Variants in FAM135B observed in about 807,000 individuals in gnomAD.
The protein encoded by FAM135B is family with sequence similarity 135 member B, also known as protein FAM135B.
Under a neutral mutation model 127.7 loss-of-function variants are expected in FAM135B, and 43 were observed. The observed-to-expected ratio is 0.34, with a 90% confidence interval of 0.26 to 0.43. FAM135B has a LOEUF of 0.43. Ranked by LOEUF, FAM135B falls within the 20% of genes least tolerant of loss-of-function variation. The pLI, the probability that FAM135B is intolerant of heterozygous loss-of-function variation, is 1.00. For missense variants in FAM135B, 1,558 were observed against 1,725.6 expected (o/e 0.90, Z 1.72); for synonymous variants, 670 against 665.1 (o/e 1.01, Z -0.11).
intron 1 of FAM135B, among the ~76,000 whole-genome samples, chr8:138,416,992 G>A (rs752400174): frequency 1.6e-4 from 25 of 152,132 alleles, no homozygotes; most frequent in Non-Finnish European, 2.6e-4. Flanking sequence ...CCACAACCCC[G>A]ATGGACATTT....
intron 1 of FAM135B, among the ~76,000 whole-genome samples, chr8:138,395,127 A>T (rs1832781781): frequency 6.6e-6 from 1 of 152,220 alleles, no homozygotes; most frequent in Non-Finnish European, 1.5e-5. Flanking sequence ...CCTGTGAGAG[A>T]AACAAGCTCT....
chr8:138,167,333 T>C (rs1285117646), intron 12 of FAM135B, among the ~76,000 whole-genome samples: 1 of 152,116 alleles, frequency 6.6e-6, no homozygotes, highest in Admixed American at 6.5e-5. Flanking sequence ...GTAGCTGGGA[T>C]TACAGGTGTC....
At chr8:138,174,999 A>T (rs1814307657) in intron 11 of FAM135B, among the ~76,000 whole-genome samples, 1 of 152,230 alleles carries the variant, frequency 6.6e-6, no homozygotes, top group African/African-American at 2.4e-5. Context: ...CACTAAATAC[A>T]TTAGTTATTG....
At chr8:138,161,324 A>C (rs1186733216) in intron 12 of FAM135B, among the ~76,000 whole-genome samples, 4 of 151,832 alleles carry the variant, frequency 2.6e-5, no homozygotes, top group Admixed American at 2.0e-4. Context: ...ATCTCTTCTC[A>C]ATCTCTTATC....
At chr8:138,142,831 G>T (rs1157212895) in intron 16 of FAM135B, 181 bp downstream of exon 16, 3 of 518,158 alleles carry the variant, frequency 5.8e-6, no homozygotes, top group Non-Finnish European at 6.9e-6. Flanking sequence ...AACTATGGCA[G>T]AGATGAATGT....
chr8:138,478,469 T>C (rs1814622278), intron 1 of FAM135B, among the ~76,000 whole-genome samples: 1 of 152,184 alleles, frequency 6.6e-6, no homozygotes, highest in Non-Finnish European at 1.5e-5. Context: ...CACCCTATGG[T>C]TGCTTTTGTC....
At chr8:138,356,007 C>T (rs1830069169) in intron 2 of FAM135B, among the ~76,000 whole-genome samples, 3 of 152,118 alleles carry the variant, frequency 2.0e-5, no homozygotes, top group South Asian at 2.1e-4. Flanking sequence ...AGGGAACTAG[C>T]TTAAGCTTTT....
At chr8:138,296,982 G>T (rs542060263) in intron 3 of FAM135B, among the ~76,000 whole-genome samples, 49 of 152,266 alleles carry the variant, frequency 3.2e-4, no homozygotes, top group African/African-American at 1.2e-3. Context: ...AGCCCAATTT[G>T]TCATGACCTG....
chr8:138,284,403 A>T (rs552154161), intron 3 of FAM135B, among the ~76,000 whole-genome samples: 17 of 152,076 alleles, frequency 1.1e-4, no homozygotes, highest in Non-Finnish European at 2.1e-4. Context: ...AATCTTTTCA[A>T]TATGCAAAAT....
chr8:138,277,189 C>G (rs1187118929), intron 3 of FAM135B, among the ~76,000 whole-genome samples: 1 of 152,170 alleles, frequency 6.6e-6, no homozygotes, highest in Non-Finnish European at 1.5e-5. Context: ...CTCCTGTCCT[C>G]CAGGACAGCA....
intron 1 of FAM135B, among the ~76,000 whole-genome samples, chr8:138,414,655 A>T (rs1041183886): frequency 1.3e-5 from 2 of 151,950 alleles, no homozygotes; most frequent in East Asian, 1.9e-4. Flanking sequence ...TAACTGATTA[A>T]TTTTTTTCCC....
At chr8:138,245,662 A>G (rs1004210119) in intron 6 of FAM135B, among the ~76,000 whole-genome samples, 10 of 152,182 alleles carry the variant, frequency 6.6e-5, no homozygotes, top group African/African-American at 1.9e-4. Flanking sequence ...ACAGCAGCAT[A>G]AGAATGGACT....
chr8:138,211,354 T>C (rs1296919965), intron 7 of FAM135B, among the ~76,000 whole-genome samples: 1 of 152,238 alleles, frequency 6.6e-6, no homozygotes, highest in African/African-American at 2.4e-5. Context: ...GTTCTACAGA[T>C]GCACCGACAG....
Position 138,167,991 on chromosome 8 carries a change from T to C in FAM135B, c.1162A>G (p.Met388Val), listed in dbSNP as rs374279579. 9 of 1,613,848 alleles carry C rather than the reference T, an allele frequency of 5.6e-6. No individual in the cohort carries two copies. In the Admixed American group the frequency reaches 1.5e-4, roughly 27 times the overall value. ...AGGCACTCTGCAGGCAGCGGGGGCA[T>C]GCTAGTGAGGTACTCCGAGTTCCGG... is the stretch of plus-strand genomic sequence containing the variant. ...DIRNSEYLTS[M>V]PPLPAECLDI... The change falls in exon 12 of 20, where the codon ATG (methionine) becomes GTG (valine). Residue 388 changes from methionine to valine, a missense_variant. Transcript: ENST00000395297.
At chr8:138,278,553 A>ATTTTTTT (rs557719866) in intron 3 of FAM135B, among the ~76,000 whole-genome samples, 1 of 60,472 alleles carries the variant, frequency 1.7e-5, no homozygotes, top group African/African-American at 6.5e-5. Flanking sequence ...TAAGAACATG[A>ATTTTTTT]TTTTTTTTTT....
At chr8:138,432,098 C>T (rs566593158) in intron 1 of FAM135B, among the ~76,000 whole-genome samples, 2 of 152,268 alleles carry the variant, frequency 1.3e-5, no homozygotes, top group East Asian at 1.9e-4. Flanking sequence ...GCTCCTTCTC[C>T]CCTAAATTGT....
At chr8:138,424,172 A>G (rs1834701179) in intron 1 of FAM135B, among the ~76,000 whole-genome samples, 2 of 152,182 alleles carry the variant, frequency 1.3e-5, no homozygotes. Context: ...AGCTTATGAG[A>G]TGACAGGATT....
At position 138,357,197 on chromosome 8, in the gene FAM135B, A is replaced by T. The variant is rs547306245; in HGVS notation, c.77+10710T>A. 4.9e-4 allele frequency among the ~76,000 whole-genome samples: 75 copies of T among 152,280 alleles called. 2 individuals carry two copies. The highest frequency in any genetic ancestry group is 1.7e-3 in the African/African-American group (71 of 41,578). The stretch of plus-strand genomic sequence containing the variant: ...TAATGAAATTATGAAAATTTGTGCT[A>T]CTGTTGCATAGCAACATGTTTTTCC... On this transcript the variant is annotated intron_variant, in intron 2 of 19. Coordinates refer to ENST00000395297, the MANE Select transcript of FAM135B (RefSeq NM_015912.4).
At chr8:138,392,899 G>A (rs977487644) in intron 1 of FAM135B, among the ~76,000 whole-genome samples, 10 of 152,100 alleles carry the variant, frequency 6.6e-5, no homozygotes, top group South Asian at 2.1e-4. Flanking sequence ...CTCCTTAATC[G>A]GTGTTGTATT....
Sources: allele counts gnomAD v4.1 joint callset (sites outside exome capture counted in the v4.1 genomes callset), GRCh38; gene constraint gnomAD v4.1.1; transcripts MANE v1.5; gene names NCBI Gene and HGNC (gene_info 2026-07-23, HGNC 2026-07-21).